The following KCNJ6 variants were observed in gnomAD, a reference collection of about 807,000 sequenced individuals.
The protein encoded by KCNJ6 is G protein-activated inward rectifier potassium channel 2.
In KCNJ6, 9 loss-of-function variants were observed where a neutral mutation model predicts 34.2. That is an observed-to-expected ratio of 0.26 (90% confidence interval 0.16 to 0.46). KCNJ6 has a LOEUF of 0.46. Among genes scored for constraint, KCNJ6 ranks in the 20% least tolerant of loss-of-function variants. The pLI is 1.00. For synonymous variants in KCNJ6, 196 were observed against 207.1 expected (o/e 0.95, Z 0.46); for missense variants, 236 against 531.3 (o/e 0.44, Z 5.46).
intron 2 of KCNJ6, among the ~76,000 whole-genome samples, chr21:37,826,924 CTTG>C (rs1464211018): frequency 1.3e-5 from 2 of 152,056 alleles, no homozygotes; most frequent in African/African-American, 4.8e-5. Context: ...TGAGAGTGTT[CTTG>C]TTAAGAATGC....
At chr21:37,669,148 ATAACT>A (rs1000466859) in intron 3 of KCNJ6, among the ~76,000 whole-genome samples, 89 of 152,332 alleles carry the variant, frequency 5.8e-4, no homozygotes, top group African/African-American at 2.1e-3. Context: ...TCTTTAGATA[ATAACT>A]TAACTCTTCA....
At chr21:37,882,665 T>C (rs1391239207) in intron 1 of KCNJ6, among the ~76,000 whole-genome samples, 3 of 152,164 alleles carry the variant, frequency 2.0e-5, no homozygotes, top group African/African-American at 4.8e-5. Flanking sequence ...GCTCCAACTG[T>C]GGTGGGAGGC....
rs1443291311 is a variant in KCNJ6, at chr21:37,877,489, A to G, written c.-27-36780T>C. Reference sequence around the variant, plus strand: ...ACAGAAAAACTTGAGTGTCAAGTATAAAATCCAGATGAACAAGTTGCTTTC... The same window carrying G: ...ACAGAAAAACTTGAGTGTCAAGTATGAAATCCAGATGAACAAGTTGCTTTC... On this transcript the variant is annotated intron_variant, in intron 1 of 3. Coordinates refer to ENST00000609713, the MANE Select transcript of KCNJ6 (RefSeq NM_002240.5). Among the ~76,000 whole-genome samples, 3 of 152,226 alleles carry G rather than the reference A, an allele frequency of 2.0e-5. No individual in the cohort carries two copies. The East Asian group carries it at 5.8e-4, about 29-fold the overall frequency.
chr21:37,756,889 A>T (rs375043881), intron 2 of KCNJ6, among the ~76,000 whole-genome samples: 1,762 of 78,524 alleles, frequency 0.022, 2 homozygotes, highest in Middle Eastern at 0.042. Context: ...CGGAGTGAGC[A>T]CTCCCTCACA....
chr21:37,661,772 G>A (rs796678053), intron 3 of KCNJ6, among the ~76,000 whole-genome samples: 5 of 146,700 alleles, frequency 3.4e-5, no homozygotes, highest in African/African-American at 1.3e-4. Context: ...ACAGGCGCCG[G>A]CCACCATGCC....
At position 37,612,542 on chromosome 21, in the gene KCNJ6, G is replaced by A. The variant is rs1395321224; in HGVS notation, c.*12617C>T. The A allele has an allele frequency of 6.6e-6, 1 of 152,126 alleles. No individual in the cohort carries two copies. Among genetic ancestry groups the A allele is most frequent in the Admixed American group, 6.5e-5 (1 of 15,274 alleles). 9.4% of individuals were successfully genotyped at this position (152,126 alleles called of 1,614,324 possible). A position where few individuals can be genotyped will look rare whatever the true frequency, so the allele number is the denominator to read the frequency against. The stretch of plus-strand genomic sequence containing the variant: ...GAAAGAAAGCTACAGTACTCAAGAC[G>A]ATGTGGTGTTGGTGAAGGAATAGAC... On this transcript the variant is annotated 3_prime_UTR_variant, in exon 4 of 4. Coordinates refer to ENST00000609713, the MANE Select transcript of KCNJ6 (RefSeq NM_002240.5).
chr21:37,782,099 C>G (rs1448581552), intron 2 of KCNJ6, among the ~76,000 whole-genome samples: 1 of 151,980 alleles, frequency 6.6e-6, no homozygotes, highest in Admixed American at 6.6e-5. Flanking sequence ...GAGTTAGTGT[C>G]AGAGAGAGAC....
chr21:37,827,408 C>A (rs377364399), intron 2 of KCNJ6, among the ~76,000 whole-genome samples: 3 of 152,282 alleles, frequency 2.0e-5, no homozygotes, highest in East Asian at 3.9e-4. Flanking sequence ...AATAAACGTA[C>A]TGCAGGTAAC....
At chr21:37,853,145 T>TAAAAAAAAAAAAAA (rs796751868) in intron 1 of KCNJ6, among the ~76,000 whole-genome samples, 1 of 111,122 alleles carries the variant, frequency 9.0e-6, no homozygotes. Context: ...TTTTTCAAAT[T>TAAAAAAAAAAAAAA]AAAAAAAAAA....
At position 37,615,281 on chromosome 21, in the gene KCNJ6, C is replaced by T. The variant is rs1450157703; in HGVS notation, c.*9878G>A. 2 of 122,050 alleles carry T rather than the reference C, an allele frequency of 1.6e-5. No homozygotes were observed. The highest frequency in any genetic ancestry group is 3.2e-5 in the Non-Finnish European group (2 of 63,452). The allele number at this position is 122,050 out of a possible 1,614,324, so 7.6% of individuals were successfully genotyped here. A position where few individuals can be genotyped will look rare whatever the true frequency, so the allele number is the denominator to read the frequency against. ...TTTTTTTTTTTTTTTGAGACGGAGT[C>T]TCGCTCTGTCGCCCAGGTCGGACTG... is the stretch of plus-strand genomic sequence containing the variant. On this transcript the variant is annotated 3_prime_UTR_variant, in exon 4 of 4. Transcript: ENST00000609713.
At chr21:37,789,439 G>C (rs2055206863) in intron 2 of KCNJ6, among the ~76,000 whole-genome samples, 1 of 145,528 alleles carries the variant, frequency 6.9e-6, no homozygotes, top group African/African-American at 2.4e-5. Context: ...CTGCAAGCTA[G>C]AGAGAGAGAG....
chr21:37,888,385 G>C (rs1357294963), intron 1 of KCNJ6, among the ~76,000 whole-genome samples: 1 of 152,174 alleles, frequency 6.6e-6, no homozygotes. Context: ...AACATTCTTA[G>C]CTTTGACACC....
At chr21:37,809,916 C>A (rs983708900) in intron 2 of KCNJ6, among the ~76,000 whole-genome samples, 3 of 152,230 alleles carry the variant, frequency 2.0e-5, no homozygotes. Context: ...GTGGCAGAAG[C>A]CTGAATTTCC....
intron 3 of KCNJ6, among the ~76,000 whole-genome samples, chr21:37,653,767 T>C (rs1253171717): frequency 6.6e-6 from 1 of 152,240 alleles, no homozygotes; most frequent in Non-Finnish European, 1.5e-5. Context: ...TCTTATTCTC[T>C]GATGTACTAT....
chr21:37,677,551 G>T (rs2054570167), intron 3 of KCNJ6, among the ~76,000 whole-genome samples: 3 of 151,484 alleles, frequency 2.0e-5, no homozygotes, highest in African/African-American at 7.3e-5. Flanking sequence ...TGAAATTTAT[G>T]CTTTATGTTT....
intron 1 of KCNJ6, among the ~76,000 whole-genome samples, chr21:37,859,485 CTTTA>C (rs1211525168): frequency 1.0e-4 from 2 of 20,084 alleles, no homozygotes; most frequent in African/African-American, 4.1e-4. Context: ...GCTTATATTA[CTTTA>C]TATATATATA....
At chr21:37,717,498 A>C (rs1264129196) in intron 2 of KCNJ6, among the ~76,000 whole-genome samples, 1 of 152,212 alleles carries the variant, frequency 6.6e-6, no homozygotes, top group East Asian at 1.9e-4. Flanking sequence ...GGAGGGAGGC[A>C]GAGGCCATGG....
chr21:37,804,713 G>A (rs2055285329), intron 2 of KCNJ6, among the ~76,000 whole-genome samples: 1 of 152,092 alleles, frequency 6.6e-6, no homozygotes, highest in Non-Finnish European at 1.5e-5. Context: ...AAGGATAATG[G>A]CCTACAGCTC....
At chr21:37,663,425 T>C (rs1213345860) in intron 3 of KCNJ6, among the ~76,000 whole-genome samples, 1 of 151,364 alleles carries the variant, frequency 6.6e-6, no homozygotes, top group Non-Finnish European at 1.5e-5. Flanking sequence ...AGCACTCAGC[T>C]AATTCTCTAG....
Sources: allele counts gnomAD v4.1 joint callset (sites outside exome capture counted in the v4.1 genomes callset), GRCh38; gene constraint gnomAD v4.1.1; transcripts MANE v1.5; gene names NCBI Gene and HGNC (gene_info 2026-07-23, HGNC 2026-07-21).